Variants in FBXL7 observed in about 807,000 individuals in gnomAD.
FBXL7 encodes the protein F-box/LRR-repeat protein 7.
In FBXL7, 12 loss-of-function variants were observed where a neutral mutation model predicts 38.3. The ratio of observed to expected loss-of-function variants is 0.31; its 90% confidence interval spans 0.20 to 0.51. The LOEUF is 0.51. Among genes scored for constraint, FBXL7 ranks in the 20% least tolerant of loss-of-function variants. The pLI is 0.98. For synonymous variants in FBXL7, 297 were observed against 300.9 expected (o/e 0.99, Z 0.13); for missense variants, 567 against 676.4 (o/e 0.84, Z 1.79).
chr5:15,760,603 T>A (rs1029735811), intron 2 of FBXL7, among the ~76,000 whole-genome samples: 2 of 151,928 alleles, frequency 1.3e-5, no homozygotes, highest in Admixed American at 1.3e-4. Flanking sequence ...ATAATAAAGG[T>A]GAGATGTGAA....
At chr5:15,835,157 A>AG (rs1738560801) in intron 2 of FBXL7, among the ~76,000 whole-genome samples, 1 of 152,182 alleles carries the variant, frequency 6.6e-6, no homozygotes, top group Non-Finnish European at 1.5e-5. Context: ...TTTAGTAAAT[A>AG]TTCTGATGAA....
At chr5:15,590,730 C>G (rs1366763883) in intron 1 of FBXL7, among the ~76,000 whole-genome samples, 1 of 151,954 alleles carries the variant, frequency 6.6e-6, no homozygotes, top group East Asian at 1.9e-4. Context: ...CAGATTAGTC[C>G]TCCCCTGGAC....
intron 2 of FBXL7, among the ~76,000 whole-genome samples, chr5:15,704,589 C>G (rs751827906): frequency 1.2e-4 from 19 of 152,350 alleles, no homozygotes; most frequent in Non-Finnish European, 2.1e-4. Flanking sequence ...AATTTCCCAT[C>G]TCCTACTGGC....
chr5:15,630,389 T>C (rs1383353239), intron 2 of FBXL7, among the ~76,000 whole-genome samples: 2 of 152,182 alleles, frequency 1.3e-5, no homozygotes, highest in African/African-American at 2.4e-5. Flanking sequence ...TTAGAGCTTG[T>C]GATTTTTTAA....
intron 1 of FBXL7, among the ~76,000 whole-genome samples, chr5:15,582,420 A>G (rs1420350765): frequency 6.6e-6 from 1 of 152,256 alleles, no homozygotes; most frequent in Non-Finnish European, 1.5e-5. Flanking sequence ...AAAAGGAAAG[A>G]GAAATCTCCT....
chr5:15,691,885 C>T (rs985512944), intron 2 of FBXL7, among the ~76,000 whole-genome samples: 5 of 152,110 alleles, frequency 3.3e-5, no homozygotes, highest in African/African-American at 1.2e-4. Context: ...ACAGGGACTC[C>T]CGCATCGCTG....
chr5:15,783,693 T>C (rs1451501037), intron 2 of FBXL7, among the ~76,000 whole-genome samples: 1 of 152,140 alleles, frequency 6.6e-6, no homozygotes, highest in Non-Finnish European at 1.5e-5. Flanking sequence ...GGAATGAGTG[T>C]GCTCAGAGGA....
intron 1 of FBXL7, among the ~76,000 whole-genome samples, chr5:15,545,240 T>A (rs1737866195): frequency 6.6e-6 from 1 of 152,240 alleles, no homozygotes; most frequent in African/African-American, 2.4e-5. Context: ...CCAATTCAGA[T>A]AACAAACCTT....
At chr5:15,893,497 A>G (rs1740995007) in intron 2 of FBXL7, among the ~76,000 whole-genome samples, 1 of 152,226 alleles carries the variant, frequency 6.6e-6, no homozygotes. Flanking sequence ...TTATGTTAAT[A>G]ATCGCATACA....
At chr5:15,851,754 G>A (rs760246740) in intron 2 of FBXL7, among the ~76,000 whole-genome samples, 32 of 151,830 alleles carry the variant, frequency 2.1e-4, no homozygotes, top group Non-Finnish European at 4.4e-4. Context: ...ATATAAGCCT[G>A]TGTATTGCTA....
chr5:15,879,955 A>C (rs1052377452), intron 2 of FBXL7, among the ~76,000 whole-genome samples: 1 of 152,086 alleles, frequency 6.6e-6, no homozygotes, highest in African/African-American at 2.4e-5. Flanking sequence ...CTATCGACTA[A>C]TTTAAGCAGA....
chr5:15,804,781 T>C (rs944238553), intron 2 of FBXL7, among the ~76,000 whole-genome samples: 1 of 152,112 alleles, frequency 6.6e-6, no homozygotes, highest in East Asian at 1.9e-4. Context: ...GCGTATTTCT[T>C]ATGAAAATCT....
intron 2 of FBXL7, among the ~76,000 whole-genome samples, chr5:15,693,813 T>C (rs970633733): frequency 1.1e-4 from 16 of 152,118 alleles, no homozygotes; most frequent in African/African-American, 3.9e-4. Flanking sequence ...GCAGCCCGAC[T>C]CCAGGGTAAG....
intron 1 of FBXL7, among the ~76,000 whole-genome samples, chr5:15,562,185 T>A (rs542789108): frequency 2.0e-5 from 3 of 152,108 alleles, no homozygotes; most frequent in Non-Finnish European, 4.4e-5. Context: ...GGGGAAAATC[T>A]CCTTGATATT....
chr5:15,798,566 A>C (rs925643275), intron 2 of FBXL7, among the ~76,000 whole-genome samples: 2 of 152,252 alleles, frequency 1.3e-5, no homozygotes, highest in African/African-American at 4.8e-5. Flanking sequence ...AAAATTAATA[A>C]GAGAGGTGAA....
At chr5:15,625,729 T>C (rs1043441268) in intron 2 of FBXL7, among the ~76,000 whole-genome samples, 2 of 152,172 alleles carry the variant, frequency 1.3e-5, no homozygotes, top group African/African-American at 4.8e-5. Flanking sequence ...CCATGGAATT[T>C]TTCTTTAATT....
At chr5:15,763,191 G>A (rs146837841) in intron 2 of FBXL7, among the ~76,000 whole-genome samples, 19 of 152,184 alleles carry the variant, frequency 1.2e-4, no homozygotes, top group East Asian at 3.9e-4. Context: ...CCAGCCCTTC[G>A]CACTTGCCAC....
intron 1 of FBXL7, among the ~76,000 whole-genome samples, chr5:15,551,275 C>T (rs1343694242): frequency 3.9e-5 from 6 of 152,186 alleles, no homozygotes; most frequent in East Asian, 1.9e-4. Flanking sequence ...GGAGCATCTA[C>T]GTTGCCATGG....
chr5:15,906,178 T>G (rs1192457505), intron 2 of FBXL7, among the ~76,000 whole-genome samples: 11 of 152,184 alleles, frequency 7.2e-5, no homozygotes, highest in Admixed American at 7.2e-4. Context: ...AGGCATTTTT[T>G]TTTAATGATA....
Sources: allele counts gnomAD v4.1 joint callset (sites outside exome capture counted in the v4.1 genomes callset), GRCh38; gene constraint gnomAD v4.1.1; transcripts MANE v1.5; gene names NCBI Gene and HGNC (gene_info 2026-07-23, HGNC 2026-07-21).